The following KAT2B variants were observed in gnomAD, a reference collection of about 807,000 sequenced individuals.
The protein encoded by KAT2B is histone acetyltransferase KAT2B.
A neutral mutation model predicts 105.9 loss-of-function variants in KAT2B; 36 were observed. That is an observed-to-expected ratio of 0.34 (90% CI 0.26 to 0.45). KAT2B has a LOEUF of 0.45. KAT2B is among the 20% of genes least tolerant of loss of function. KAT2B has a pLI of 1.00. For missense variants in KAT2B, 820 were observed against 1,021.6 expected, an observed-to-expected ratio of 0.80 and a Z score of 2.69; for synonymous variants, 397 against 377.9, an observed-to-expected ratio of 1.05 and a Z score of -0.59.
At chr3:20,087,287 T>C (rs542382038) in intron 2 of KAT2B, among the ~76,000 whole-genome samples, 30 of 152,320 alleles carry the variant, frequency 2.0e-4, no homozygotes, top group Non-Finnish European at 3.5e-4. Flanking sequence ...GTATATTAAA[T>C]GTATCAAAAT....
chr3:20,051,210 A>AC (rs1163055749), intron 1 of KAT2B, among the ~76,000 whole-genome samples: 15 of 151,168 alleles, frequency 9.9e-5, no homozygotes, highest in African/African-American at 3.4e-4. Context: ...AAAAAAAAAA[A>AC]AAAACCCAAA....
intron 13 of KAT2B, among the ~76,000 whole-genome samples, chr3:20,141,396 A>G (rs1699692512): frequency 1.3e-5 from 2 of 152,288 alleles, no homozygotes; most frequent in South Asian, 4.1e-4. Flanking sequence ...TGATGAAAAG[A>G]ACAGAACTGG....
intron 2 of KAT2B, among the ~76,000 whole-genome samples, chr3:20,082,250 G>A (rs1698532973): frequency 6.6e-6 from 1 of 152,024 alleles, no homozygotes; most frequent in African/African-American, 2.4e-5. Context: ...GGCCAGGCTG[G>A]TCTCGAACTA....
intron 1 of KAT2B, among the ~76,000 whole-genome samples, chr3:20,050,045 C>A (rs1445025562): frequency 6.6e-6 from 1 of 151,880 alleles, no homozygotes; most frequent in Non-Finnish European, 1.5e-5. Flanking sequence ...ACTAAAAATA[C>A]AAATATTAGC....
At chr3:20,151,412 A>T (rs1699867492) in intron 17 of KAT2B, among the ~76,000 whole-genome samples, 1 of 151,570 alleles carries the variant, frequency 6.6e-6, no homozygotes, top group Non-Finnish European at 1.5e-5. Flanking sequence ...TAACATACTT[A>T]TAATTTGGGA....
chr3:20,040,818 AG>A (rs1310222182), intron 1 of KAT2B, 38 bp downstream of exon 1: 1 of 1,546,800 alleles, frequency 6.5e-7, no homozygotes, highest in East Asian at 2.6e-5. Flanking sequence ...GATGGGTGCT[AG>A]GGGCCCAGCC....
At chr3:20,136,830 GGTAAAATAT>G (rs1316016632) in intron 11 of KAT2B, 103 bp from the exon 12 acceptor site, 1 of 540,846 alleles carries the variant, frequency 1.8e-6, no homozygotes, top group Admixed American at 3.1e-5. Flanking sequence ...GGTCCTGGTT[GGTAAAATAT>G]GTAAAAGTAC....
chr3:20,102,700 A>G (rs1327334655), intron 5 of KAT2B, among the ~76,000 whole-genome samples: 1 of 152,232 alleles, frequency 6.6e-6, no homozygotes. Context: ...ATAAGGACCT[A>G]CATTTATTTT....
chr3:20,069,389 A>G (rs1698278624), intron 1 of KAT2B, among the ~76,000 whole-genome samples: 1 of 152,162 alleles, frequency 6.6e-6, no homozygotes, highest in African/African-American at 2.4e-5. Flanking sequence ...CTGGGCTGAT[A>G]AAGGTCAAGA....
At chr3:20,150,950 G>A (rs1699859449) in intron 17 of KAT2B, among the ~76,000 whole-genome samples, 1 of 152,130 alleles carries the variant, frequency 6.6e-6, no homozygotes, top group Non-Finnish European at 1.5e-5. Context: ...ATCTTAAGTG[G>A]TAGACATTTA....
intron 3 of KAT2B, among the ~76,000 whole-genome samples, chr3:20,096,034 AG>A (rs1031141316): frequency 2.0e-5 from 3 of 152,122 alleles, no homozygotes; most frequent in African/African-American, 7.2e-5. Flanking sequence ...CGGGTATTTT[AG>A]GCCGTGCACT....
At chr3:20,042,078 AT>A (rs1697729471) in intron 1 of KAT2B, among the ~76,000 whole-genome samples, 1 of 152,196 alleles carries the variant, frequency 6.6e-6, no homozygotes, top group Non-Finnish European at 1.5e-5. Flanking sequence ...GTGCATGGGA[AT>A]CTCCTGGGGA....
intron 3 of KAT2B, 35 bp downstream of exon 3, chr3:20,095,443 A>T: frequency 2.1e-6 from 3 of 1,448,896 alleles, no homozygotes; most frequent in Non-Finnish European, 2.9e-6. Context: ...ATTTTCTCTC[A>T]TTATTCAAAT....
intron 1 of KAT2B, among the ~76,000 whole-genome samples, chr3:20,054,116 GTTTTTGTTTTTTGTT>G (rs1482221630): frequency 1.4e-5 from 2 of 147,566 alleles, no homozygotes; most frequent in African/African-American, 4.9e-5. Flanking sequence ...ATTTTTTTTT[GTTTTTGTTTTTTGTT>G]TTTTTGTTTT....
At chr3:20,106,979 G>A (rs28615631) in intron 5 of KAT2B, among the ~76,000 whole-genome samples, 459 of 33,286 alleles carry the variant, frequency 0.014, 5 homozygotes, top group Middle Eastern at 0.031. Flanking sequence ...ATATATATAT[G>A]TATATATATA....
rs371943920 is a variant in KAT2B, at chr3:20,148,004, G to C, written c.2156+5G>C. The C allele has an allele frequency of 1.2e-6, 2 of 1,613,052 alleles. No homozygotes were observed. The highest frequency in any genetic ancestry group is 3.3e-5 in the Admixed American group (2 of 59,958). On this transcript the variant is annotated splice_donor_5th_base_variant and intron_variant, in intron 15 of 17. Transcript: ENST00000263754. Reference sequence around the variant, plus strand: ...ACCGAGTGGAAAAGAGAAAAGGTAAGTATGACGGGCAAGAGGATGTTAATG... The same window carrying C: ...ACCGAGTGGAAAAGAGAAAAGGTAACTATGACGGGCAAGAGGATGTTAATG...
At chr3:20,092,841 A>G (rs1281602883) in intron 2 of KAT2B, among the ~76,000 whole-genome samples, 3 of 152,078 alleles carry the variant, frequency 2.0e-5, no homozygotes, top group Non-Finnish European at 4.4e-5. Flanking sequence ...AGCTAGAACT[A>G]CAGGCACGCA....
At chr3:20,125,596 T>C (rs1001093703) in intron 9 of KAT2B, among the ~76,000 whole-genome samples, 1 of 152,194 alleles carries the variant, frequency 6.6e-6, no homozygotes, top group Admixed American at 6.5e-5. Flanking sequence ...GCTCACAACG[T>C]CTAAAATATT....
At chr3:20,062,129 TATAAA>T (rs1559514133) in intron 1 of KAT2B, among the ~76,000 whole-genome samples, 14 of 76,066 alleles carry the variant, frequency 1.8e-4, no homozygotes, top group African/African-American at 9.4e-4. Flanking sequence ...AACATATATA[TATAAA>T]ATATATAATA....
Sources: allele counts gnomAD v4.1 joint callset (sites outside exome capture counted in the v4.1 genomes callset), GRCh38; gene constraint gnomAD v4.1.1; transcripts MANE v1.5; gene names NCBI Gene and HGNC (gene_info 2026-07-23, HGNC 2026-07-21).